Variants in PDE1C observed in about 807,000 individuals in gnomAD.
The protein encoded by PDE1C is dual specificity calcium/calmodulin-dependent 3',5'-cyclic nucleotide phosphodiesterase 1C.
In PDE1C, 62 loss-of-function variants were observed where a neutral mutation model predicts 93.1. That is an observed-to-expected ratio of 0.67 (90% confidence interval 0.54 to 0.82). The LOEUF (loss-of-function observed/expected upper bound fraction) is 0.82. Among genes scored for constraint, PDE1C ranks in the 40% least tolerant of loss-of-function variants. The pLI is 0.00. For synonymous variants in PDE1C, 325 were observed against 310.1 expected (o/e 1.05, Z -0.50); for missense variants, 742 against 884.6 (o/e 0.84, Z 2.04).
chr7:32,371,707 C>A (rs1274797613), intron 1 of PDE1C, among the ~76,000 whole-genome samples: 1 of 152,178 alleles, frequency 6.6e-6, no homozygotes, highest in Non-Finnish European at 1.5e-5. Flanking sequence ...GAAAGACTTA[C>A]ATAAATGGAA....
At chr7:31,757,984 C>T (rs1213360823) in intron 17 of PDE1C, among the ~76,000 whole-genome samples, 1 of 152,298 alleles carries the variant, frequency 6.6e-6, no homozygotes, top group Admixed American at 6.5e-5. Flanking sequence ...AGGATGAGTT[C>T]ATGTCCTTTG....
chr7:32,223,937 C>T (rs1807067389), intron 1 of PDE1C, among the ~76,000 whole-genome samples: 2 of 152,174 alleles, frequency 1.3e-5, no homozygotes, highest in African/African-American at 4.8e-5. Context: ...TCCCTCTGGC[C>T]TTGTCCCCAC....
intron 2 of PDE1C, among the ~76,000 whole-genome samples, chr7:32,036,171 C>T (rs951229078): frequency 3.3e-5 from 5 of 152,114 alleles, no homozygotes; most frequent in Non-Finnish European, 5.9e-5. Context: ...TGTCTGAGAA[C>T]CACATACGCA....
intron 1 of PDE1C, among the ~76,000 whole-genome samples, chr7:32,371,739 G>A (rs191614909): frequency 9.2e-5 from 14 of 152,254 alleles, no homozygotes; most frequent in East Asian, 5.8e-4. Context: ...GTTCATGGAC[G>A]AAAAGATTTA....
chr7:31,684,046 C>T, the PDE1C span, among the ~76,000 whole-genome samples: 70 of 152,242 alleles, frequency 4.6e-4, 1 homozygote, highest in South Asian at 0.012. Flanking sequence ...CAGCACTGCA[C>T]ATATGTGGTT....
chr7:31,928,642 GA>G (rs1345712417), intron 2 of PDE1C, among the ~76,000 whole-genome samples: 3 of 152,094 alleles, frequency 2.0e-5, no homozygotes, highest in African/African-American at 2.4e-5. Context: ...CATTCTTAAA[GA>G]AAAGAATTTT....
intron 2 of PDE1C, among the ~76,000 whole-genome samples, chr7:32,204,191 C>G (rs775315724): frequency 1.3e-5 from 2 of 152,106 alleles, no homozygotes; most frequent in African/African-American, 4.8e-5. Flanking sequence ...GGATTAACAT[C>G]GTGGGTGGGG....
intron 1 of PDE1C, among the ~76,000 whole-genome samples, chr7:32,363,408 C>T (rs1323342942): frequency 6.6e-6 from 1 of 152,232 alleles, no homozygotes; most frequent in Non-Finnish European, 1.5e-5. Flanking sequence ...CCACCATGGT[C>T]CTCTATTGCC....
intron 2 of PDE1C, among the ~76,000 whole-genome samples, chr7:31,933,290 A>G (rs1307594629): frequency 6.6e-6 from 1 of 152,166 alleles, no homozygotes; most frequent in Non-Finnish European, 1.5e-5. Context: ...AACAATAAAT[A>G]TATCAATATG....
chr7:31,859,896 T>C (rs375527137), intron 7 of PDE1C, among the ~76,000 whole-genome samples: 260 of 152,310 alleles, frequency 1.7e-3, no homozygotes, highest in African/African-American at 5.9e-3. Flanking sequence ...TACAACTTTT[T>C]AAACTGAATA....
chr7:31,959,226 T>G (rs1427711124), intron 2 of PDE1C, among the ~76,000 whole-genome samples: 1 of 150,820 alleles, frequency 6.6e-6, no homozygotes, highest in Non-Finnish European at 1.5e-5. Context: ...TTGTTTGTTT[T>G]TTGAGACACA....
At chr7:32,210,371 C>A (rs1805933136) in intron 1 of PDE1C, among the ~76,000 whole-genome samples, 2 of 152,134 alleles carry the variant, frequency 1.3e-5, no homozygotes, top group African/African-American at 4.8e-5. Flanking sequence ...CTAAAGCAAT[C>A]AACAAGAAAC....
intron 1 of PDE1C, among the ~76,000 whole-genome samples, chr7:32,277,079 T>C (rs966648137): frequency 9.2e-5 from 14 of 152,006 alleles, no homozygotes; most frequent in African/African-American, 3.4e-4. Context: ...CAAAACCCCA[T>C]CTCTACAAAA....
intron 2 of PDE1C, among the ~76,000 whole-genome samples, chr7:32,033,659 C>T (rs935046952): frequency 3.3e-5 from 5 of 151,978 alleles, no homozygotes; most frequent in Admixed American, 6.5e-5. Flanking sequence ...CCACCAGGTT[C>T]TCTCTCTGTT....
chr7:31,626,908 T>A, the PDE1C span, among the ~76,000 whole-genome samples: 1 of 152,310 alleles, frequency 6.6e-6, no homozygotes, highest in South Asian at 2.1e-4. Context: ...GATAAACAAA[T>A]AAATATAGCA....
At chr7:32,316,411 T>C (rs1436935586) in intron 1 of PDE1C, among the ~76,000 whole-genome samples, 1 of 152,168 alleles carries the variant, frequency 6.6e-6, no homozygotes, top group East Asian at 1.9e-4. Flanking sequence ...TTCTTCCATA[T>C]CATACCAGGA....
At chr7:32,137,543 A>T (rs559638230) in intron 3 of PDE1C, among the ~76,000 whole-genome samples, 1 of 152,242 alleles carries the variant, frequency 6.6e-6, no homozygotes, top group Non-Finnish European at 1.5e-5. Context: ...GAATGGTCTC[A>T]TCGCCACCTG....
the PDE1C span, among the ~76,000 whole-genome samples, chr7:31,717,213 T>TA: frequency 6.6e-6 from 1 of 152,250 alleles, no homozygotes; most frequent in Non-Finnish European, 1.5e-5. Context: ...CAAGTTACAA[T>TA]GTACTAAACA....
upstream of PDE1C, among the ~76,000 whole-genome samples, chr7:32,073,733 C>G (rs902395749): frequency 6.6e-6 from 1 of 152,212 alleles, no homozygotes; most frequent in African/African-American, 2.4e-5. Flanking sequence ...ATTGTGTTCT[C>G]TCTTCATCTA....
Sources: gnomAD v4.1 joint callset for allele counts (sites outside exome capture counted in the v4.1 genomes callset) on GRCh38, gnomAD v4.1.1 for gene constraint, MANE v1.5 for transcripts, NCBI Gene and HGNC (gene_info 2026-07-23, HGNC 2026-07-21) for gene names.